The following PCDH11Y variants were observed in gnomAD, a reference collection of about 807,000 sequenced individuals.
PCDH11Y encodes protocadherin 11 Y-linked, also known as protocadherin-11 Y-linked.
For missense variants in PCDH11Y, 12 were observed against 224.8 expected (o/e 0.05, Z 6.05); for synonymous variants, 9 against 83.6 (o/e 0.11, Z 4.87).
chrY:5,515,669 C>CT (rs1482083826), intron 3 of PCDH11Y, among the ~76,000 whole-genome samples: 3 of 33,334 alleles, frequency 9.0e-5, no homozygotes. Context: ...CTAATTCAAA[C>CT]TATAGTACAA....
intron 3 of PCDH11Y, among the ~76,000 whole-genome samples, chrY:5,564,918 T>C: frequency 3.0e-5 from 1 of 33,289 alleles, no homozygotes; most frequent in African/African-American, 1.2e-4. Flanking sequence ...TGTAAAATTA[T>C]CCATTTGATC....
intron 3 of PCDH11Y, among the ~76,000 whole-genome samples, chrY:5,569,430 AC>A: frequency 3.1e-5 from 1 of 31,758 alleles, no homozygotes; most frequent in African/African-American, 1.2e-4. Context: ...TATAAAAAAT[AC>A]CCTTTAATTT....
intron 2 of PCDH11Y, among the ~76,000 whole-genome samples, chrY:5,326,803 A>G: frequency 3.0e-5 from 1 of 32,809 alleles, no homozygotes; most frequent in African/African-American, 1.2e-4. Flanking sequence ...AGTTATGAGA[A>G]ATGTAGAGAG....
At chrY:5,675,522 T>C in intron 4 of PCDH11Y, among the ~76,000 whole-genome samples, 1 of 33,206 alleles carries the variant, frequency 3.0e-5, no homozygotes, top group Admixed American at 2.7e-4. Context: ...GTCCAAAGTC[T>C]CATCCAAGAC....
chrY:5,738,844 A>G, exon 5 of PCDH11Y: 1 of 30,003 alleles, frequency 3.3e-5, no homozygotes, highest in African/African-American at 1.3e-4. Context: ...AAGGAGGTGG[A>G]TGCATCCAAA....
At chrY:5,383,534 A>G in intron 2 of PCDH11Y, among the ~76,000 whole-genome samples, 1 of 33,434 alleles carries the variant, frequency 3.0e-5, no homozygotes, top group African/African-American at 1.2e-4. Flanking sequence ...TTTATTTAAT[A>G]GATAGTTGAC....
At chrY:5,045,210 T>C (rs1210749533) in intron 3 of PCDH11Y, among the ~76,000 whole-genome samples, 1 of 33,505 alleles carries the variant, frequency 3.0e-5, no homozygotes, top group Non-Finnish European at 7.4e-5. Flanking sequence ...CTAGTCTCGA[T>C]AGTCTTTACA....
intron 2 of PCDH11Y, among the ~76,000 whole-genome samples, chrY:5,193,604 C>T: frequency 3.0e-5 from 1 of 32,965 alleles, no homozygotes; most frequent in Non-Finnish European, 7.4e-5. Context: ...CTTAGAAAGT[C>T]CGAAATCTTA....
chrY:5,435,309 A>AT (rs1433440770), intron 2 of PCDH11Y, among the ~76,000 whole-genome samples: 178 of 21,131 alleles, frequency 8.4e-3, no homozygotes, highest in Non-Finnish European at 0.013. Flanking sequence ...CTGAACTGTA[A>AT]TTTTTTTTTT....
intron 2 of PCDH11Y, among the ~76,000 whole-genome samples, chrY:5,329,916 C>T (rs2053128062): frequency 6.0e-5 from 2 of 33,152 alleles, no homozygotes; most frequent in African/African-American, 1.2e-4. Context: ...GAGCAAAAAG[C>T]GGGAGGACAG....
At chrY:5,670,892 G>T in intron 4 of PCDH11Y, among the ~76,000 whole-genome samples, 1 of 32,725 alleles carries the variant, frequency 3.1e-5, no homozygotes, top group African/African-American at 1.2e-4. Context: ...TTTTCTTGTA[G>T]TAGGTTCATA....
intron 2 of PCDH11Y, among the ~76,000 whole-genome samples, chrY:5,129,347 T>C: frequency 6.3e-5 from 2 of 31,821 alleles, no homozygotes; most frequent in Admixed American, 2.9e-4. Flanking sequence ...GTATTTATTT[T>C]TTATTTGCTG....
intron 4 of PCDH11Y, among the ~76,000 whole-genome samples, chrY:5,650,114 T>C (rs2053530210): frequency 3.0e-5 from 1 of 33,209 alleles, no homozygotes; most frequent in African/African-American, 1.2e-4. Context: ...GAATGCAATT[T>C]TTTTTATAAT....
intron 2 of PCDH11Y, among the ~76,000 whole-genome samples, chrY:5,327,392 A>G: frequency 3.0e-5 from 1 of 33,575 alleles, no homozygotes; most frequent in Non-Finnish European, 7.4e-5. Flanking sequence ...CAGATTCTGA[A>G]CTAACTTGTA....
At chrY:5,512,795 C>T in intron 3 of PCDH11Y, among the ~76,000 whole-genome samples, 2 of 32,801 alleles carry the variant, frequency 6.1e-5, no homozygotes, top group Admixed American at 2.8e-4. Flanking sequence ...AAGCCTCAGA[C>T]ACATTGTATT....
intron 2 of PCDH11Y, among the ~76,000 whole-genome samples, chrY:5,233,696 G>A: frequency 3.1e-5 from 1 of 32,648 alleles, no homozygotes; most frequent in African/African-American, 1.2e-4. Flanking sequence ...CCATTATTAA[G>A]ATTGGACATT....
At chrY:5,306,639 A>G in intron 2 of PCDH11Y, among the ~76,000 whole-genome samples, 1 of 32,647 alleles carries the variant, frequency 3.1e-5, no homozygotes, top group African/African-American at 1.2e-4. Flanking sequence ...TAGTTTAACA[A>G]TTTTTTCAGT....
chrY:5,227,895 G>A (rs2052962761), intron 2 of PCDH11Y, among the ~76,000 whole-genome samples: 1 of 31,046 alleles, frequency 3.2e-5, no homozygotes, highest in Non-Finnish European at 7.8e-5. Flanking sequence ...TCTTTTTATT[G>A]TGTCAGTCTG....
chrY:5,016,199 C>T, intron 1 of PCDH11Y, among the ~76,000 whole-genome samples: 4 of 33,364 alleles, frequency 1.2e-4, no homozygotes, highest in Non-Finnish European at 2.2e-4. Flanking sequence ...TACTGTTTAA[C>T]TATGAGCTAT....
Sources: allele counts gnomAD v4.1 joint callset (sites outside exome capture counted in the v4.1 genomes callset), GRCh38; gene constraint gnomAD v4.1.1; transcripts MANE v1.5; gene names NCBI Gene and HGNC (gene_info 2026-07-23, HGNC 2026-07-21).